DPY19L3: variants seen among roughly 807,000 people sequenced by gnomAD.
DPY19L3 encodes protein C-mannosyl-transferase DPY19L3.
A neutral mutation model predicts 92.3 loss-of-function variants in DPY19L3; 51 were observed. The observed-to-expected ratio is 0.55, with a 90% confidence interval of 0.44 to 0.70. The LOEUF (loss-of-function observed/expected upper bound fraction) is 0.70, where lower values mean the gene tolerates loss of function less well. Ranked by LOEUF, DPY19L3 falls within the 30% of genes least tolerant of loss-of-function variation. The pLI is 0.00. For missense variants in DPY19L3, 706 were observed against 855.9 expected (o/e 0.82, Z 2.18); for synonymous variants, 309 against 315.2 (o/e 0.98, Z 0.21).
At chr19:32,477,392 GT>G in intron 16 of DPY19L3, 129 bp from the exon 17 acceptor site, 8 of 1,249,952 alleles carry the variant, frequency 6.4e-6, no homozygotes, top group Admixed American at 4.8e-5. Flanking sequence ...GCAAACTCCC[GT>G]TTTTTTTCCC....
intron 3 of DPY19L3, among the ~76,000 whole-genome samples, chr19:32,432,020 T>C (rs1279799304): frequency 6.6e-6 from 1 of 152,236 alleles, no homozygotes; most frequent in Non-Finnish European, 1.5e-5. Context: ...AGGTTAGGGC[T>C]GCTCAACCTA....
intron 3 of DPY19L3, chr19:32,412,290 A>G (rs1222338018): frequency 6.6e-6 from 1 of 152,052 alleles, no homozygotes; most frequent in Non-Finnish European, 1.5e-5. Context: ...GGTCATGAGT[A>G]ACATTTTTCT....
chr19:32,427,384 G>A (rs1165676561), intron 3 of DPY19L3, among the ~76,000 whole-genome samples: 1 of 152,170 alleles, frequency 6.6e-6, no homozygotes, highest in African/African-American at 2.4e-5. Context: ...AATATGCAAT[G>A]ATAAGGAAGG....
At chr19:32,424,299 A>G (rs2145441920) in intron 3 of DPY19L3, among the ~76,000 whole-genome samples, 1 of 150,602 alleles carries the variant, frequency 6.6e-6, no homozygotes, top group African/African-American at 2.4e-5. Flanking sequence ...CGGTCTGGGC[A>G]ACAGAGTGAG....
rs1360185834 is a variant in DPY19L3 at position 32,484,061 on chromosome 19, AT to A, written c.*1822del. On this transcript the variant is annotated 3_prime_UTR_variant, in exon 19 of 19. Transcript: ENST00000392250. ...AAGCATTTGGGCATTTGGAGTCTTA[AT>A]ATACAAGAAACACGTACTTAAATTT... The A allele has an allele frequency of 6.6e-6, 1 of 152,594 alleles. No homozygotes were observed. The highest frequency in any genetic ancestry group is 1.9e-4 in the East Asian group (1 of 5,204). The allele number at this position is 152,594 out of a possible 1,614,324, so 9.5% of individuals were successfully genotyped here. A position where few individuals can be genotyped will look rare whatever the true frequency, so the allele number is the denominator to read the frequency against.
In DPY19L3 at chr19:32,458,177, T is replaced by C. The variant is rs775888924; in HGVS notation, c.1163+4T>C. On this transcript the variant is annotated splice_donor_region_variant and intron_variant, in intron 11 of 18. Transcript: ENST00000392250. ...AATTTGGGCTTGGAGCAACAAGGTA[T>C]AACTGAATTGAAAGTCTATGTTTGC... The C allele has an allele frequency of 5.6e-6, 9 of 1,612,196 alleles. No individual in the cohort carries two copies. The highest frequency in any genetic ancestry group is 7.6e-6 in the Non-Finnish European group (9 of 1,178,996).
chr19:32,439,016 C>A, intron 6 of DPY19L3, 96 bp from the exon 7 acceptor site: 1 of 1,332,214 alleles, frequency 7.5e-7, no homozygotes, highest in South Asian at 1.4e-5. Flanking sequence ...CTTAAGTATA[C>A]TTGTCCTTAA....
At chr19:32,444,572 TA>T in intron 8 of DPY19L3, among the ~76,000 whole-genome samples, 1 of 152,100 alleles carries the variant, frequency 6.6e-6, no homozygotes, top group East Asian at 1.9e-4. Context: ...TCGGAAAAAA[TA>T]GTTGAAATTT....
rs1297998790 is a variant in DPY19L3 at position 32,439,211 on chromosome 19, A to C, written c.696A>C (p.Arg232Ser). 6.2e-7 allele frequency: 1 copy of C among 1,613,472 alleles called. No homozygotes were observed. The highest frequency in any genetic ancestry group is 8.5e-7 in the Non-Finnish European group (1 of 1,179,638). The change falls in exon 7 of 19, where the codon AGA becomes AGC. Residue 232 changes from arginine to serine, a missense_variant. By Grantham distance (110) the Arg-to-Ser change is moderately radical. Coordinates refer to ENST00000392250, the MANE Select transcript of DPY19L3 (RefSeq NM_001172774.2). ...TAGCAGCAATTACATATTTCCTGAGACCAAACTTACAGCCTCTTTCTGAAG... is the reference window on the plus strand; with the variant it reads ...TAGCAGCAATTACATATTTCCTGAGCCCAAACTTACAGCCTCTTTCTGAAG... Reference protein sequence around the residue: ...IQIAAITYFLRPNLQPLSERL... With the variant: ...IQIAAITYFLSPNLQPLSERL...
intron 16 of DPY19L3, among the ~76,000 whole-genome samples, chr19:32,469,460 C>T (rs1274115504): frequency 1.3e-5 from 2 of 148,906 alleles, no homozygotes; most frequent in East Asian, 2.0e-4. Flanking sequence ...CGCGCTACTA[C>T]ACTTCATCCT....
At chr19:32,477,205 C>G (rs991846940) in intron 16 of DPY19L3, among the ~76,000 whole-genome samples, 1 of 152,030 alleles carries the variant, frequency 6.6e-6, no homozygotes, top group African/African-American at 2.4e-5. Context: ...GTAAACCTAG[C>G]AAAACAGTAA....
At chr19:32,445,586 G>A (rs1035262956) in intron 8 of DPY19L3, among the ~76,000 whole-genome samples, 6 of 152,028 alleles carry the variant, frequency 3.9e-5, no homozygotes, top group African/African-American at 1.4e-4. Flanking sequence ...GCTAAAGGAA[G>A]TTGTTGAAAC....
intron 4 of DPY19L3, among the ~76,000 whole-genome samples, chr19:32,435,054 A>C (rs1468335967): frequency 6.6e-6 from 1 of 151,998 alleles, no homozygotes; most frequent in Non-Finnish European, 1.5e-5. Flanking sequence ...TAGAAGTCCA[A>C]GATCCACCTG....
intron 8 of DPY19L3, among the ~76,000 whole-genome samples, chr19:32,447,798 C>CAATAGATAGATAGATAG (rs569135490): frequency 7.7e-4 from 75 of 97,166 alleles, no homozygotes; most frequent in South Asian, 1.8e-3. Flanking sequence ...TACTCCATCT[C>CAATAGATAGATAGATAG]ATTCATAGAT....
intron 8 of DPY19L3, among the ~76,000 whole-genome samples, chr19:32,443,418 A>G (rs1008346561): frequency 1.3e-5 from 2 of 152,186 alleles, no homozygotes; most frequent in Non-Finnish European, 2.9e-5. Flanking sequence ...TTGTATTAGG[A>G]GGTAGGTAGG....
chr19:32,424,509 A>G (rs1437457399), intron 3 of DPY19L3, among the ~76,000 whole-genome samples: 1 of 151,898 alleles, frequency 6.6e-6, no homozygotes, highest in South Asian at 2.1e-4. Flanking sequence ...CACACAGCTT[A>G]CACCCAGCTG....
chr19:32,446,286 T>C (rs1236103497), intron 8 of DPY19L3, among the ~76,000 whole-genome samples: 1 of 151,796 alleles, frequency 6.6e-6, no homozygotes, highest in Non-Finnish European at 1.5e-5. Context: ...ATTGTAAAAA[T>C]GTTCAGGTAA....
In DPY19L3 at chr19:32,436,537, C is replaced by T. The variant is rs1969144795; in HGVS notation, c.420C>T (p.Leu140=). 6.4e-7 allele frequency: 1 copy of T among 1,574,748 alleles called. No individual in the cohort carries two copies. The highest frequency in any genetic ancestry group is 8.7e-7 in the Non-Finnish European group (1 of 1,155,040). Reference sequence around the variant, plus strand: ...TGAATATTTACCAAGAGGTTTTTCTCAGTATTTTATATAGAGTTCTACCCA... The same window carrying T: ...TGAATATTTACCAAGAGGTTTTTCTTAGTATTTTATATAGAGTTCTACCCA... ...QRMNIYQEVF[L]SILYRVLPIQ... The change falls in exon 5 of 19, where the codon CTC becomes CTT. Residue 140 remains leucine (L), a synonymous_variant. Coordinates refer to ENST00000392250, the MANE Select transcript of DPY19L3 (RefSeq NM_001172774.2).
intron 15 of DPY19L3, 154 bp from the exon 16 acceptor site, chr19:32,468,577 G>T: frequency 7.5e-7 from 1 of 1,330,462 alleles, no homozygotes; most frequent in South Asian, 2.1e-5. Context: ...TATTAGGAGG[G>T]TTGCTGCAGA....
Sources: allele counts gnomAD v4.1 joint callset (sites outside exome capture counted in the v4.1 genomes callset), GRCh38; gene constraint gnomAD v4.1.1; transcripts MANE v1.5; gene names NCBI Gene and HGNC (gene_info 2026-07-23, HGNC 2026-07-21).